The following CDH13 variants were observed in gnomAD, a reference collection of about 807,000 sequenced individuals.
CDH13 encodes the protein cadherin 13, also known as cadherin-13.
In CDH13, 24 loss-of-function variants were observed where a neutral mutation model predicts 63.8. The observed-to-expected ratio is 0.38, with a 90% confidence interval of 0.27 to 0.53. CDH13 has a LOEUF of 0.53. Ranked by LOEUF, CDH13 falls within the 20% of genes least tolerant of loss-of-function variation. The pLI is 0.85. For missense variants in CDH13, 1,049 were observed against 903.1 expected (o/e 1.16, Z -2.07); for synonymous variants, 503 against 355.3 (o/e 1.42, Z -4.67).
Position 83,288,597 on chromosome 16 carries a change from G to C in CDH13, c.637-56265G>C, listed in dbSNP as rs917643472. On this transcript the variant is annotated intron_variant, in intron 5 of 13. Transcript: ENST00000567109. ...AGCTGTCCAGGCAGGACCTCTCTGC[G>C]GTGACATTCACATGGCAGAGTTACC... Among the ~76,000 whole-genome samples the C allele has an allele frequency of 2.0e-5, 3 of 152,158 alleles. No homozygotes were observed. In the South Asian group the frequency reaches 6.2e-4, roughly 32 times the overall value.
At chr16:83,336,529 C>G (rs916014915) in intron 5 of CDH13, among the ~76,000 whole-genome samples, 1 of 152,140 alleles carries the variant, frequency 6.6e-6, no homozygotes, top group Non-Finnish European at 1.5e-5. Flanking sequence ...AACGGAGTCA[C>G]ATTGTGTTAG....
intron 2 of CDH13, among the ~76,000 whole-genome samples, chr16:82,897,616 C>G (rs1339777320): frequency 1.3e-5 from 2 of 152,222 alleles, no homozygotes; most frequent in Non-Finnish European, 1.5e-5. Flanking sequence ...AGCTCAACAA[C>G]TAATAAATGA....
intron 2 of CDH13, among the ~76,000 whole-genome samples, chr16:83,002,763 T>G (rs2151425130): frequency 6.6e-6 from 1 of 152,018 alleles, no homozygotes; most frequent in Admixed American, 6.5e-5. Context: ...GAATGTGCCG[T>G]GTAGGTATGT....
intron 1 of CDH13, among the ~76,000 whole-genome samples, chr16:82,667,628 A>C (rs1343067573): frequency 6.6e-6 from 1 of 152,102 alleles, no homozygotes; most frequent in Admixed American, 6.5e-5. Context: ...CCCCTATCTG[A>C]AGTTGGACAG....
intron 2 of CDH13, among the ~76,000 whole-genome samples, chr16:82,870,871 A>C (rs891560393): frequency 5.3e-5 from 8 of 152,244 alleles, no homozygotes; most frequent in African/African-American, 1.7e-4. Flanking sequence ...TAGCTGTCAG[A>C]AACAGCATAG....
At chr16:83,005,106 TCTAA>T (rs1234929395) in intron 2 of CDH13, among the ~76,000 whole-genome samples, 2 of 152,180 alleles carry the variant, frequency 1.3e-5, no homozygotes, top group Non-Finnish European at 2.9e-5. Flanking sequence ...AAGTGTAGTT[TCTAA>T]CTAAGTAGCC....
chr16:82,744,675 T>G (rs1179724273), intron 1 of CDH13, among the ~76,000 whole-genome samples: 1 of 152,132 alleles, frequency 6.6e-6, no homozygotes, highest in Non-Finnish European at 1.5e-5. Context: ...ACAGCTAAGC[T>G]GTGACTTTTG....
rs367641413 is a variant in CDH13 at position 82,963,277 on chromosome 16, G to GCT, written c.158-68732_158-68731dup. ...ACCTGTAATCCCAGCTACTAGGGAG[G>GCT]CTGAGGCAGAAGAATCGCTTGAACC... On this transcript the variant is annotated intron_variant, in intron 2 of 13. Coordinates refer to ENST00000567109, the MANE Select transcript of CDH13 (RefSeq NM_001257.5). 1.9e-3 allele frequency among the ~76,000 whole-genome samples: 294 copies of GCT among 152,292 alleles called. 2 individuals carry two copies. The highest frequency in any genetic ancestry group is 6.8e-3 in the African/African-American group (281 of 41,558).
intron 4 of CDH13, among the ~76,000 whole-genome samples, chr16:83,184,757 A>T (rs1307026156): frequency 2.6e-5 from 4 of 152,088 alleles, no homozygotes; most frequent in South Asian, 2.1e-4. Flanking sequence ...TCCATCTCAA[A>T]AAAGCAAAGA....
chr16:83,450,203 G>T (rs1319597214), intron 6 of CDH13, among the ~76,000 whole-genome samples: 1 of 152,238 alleles, frequency 6.6e-6, no homozygotes, highest in African/African-American at 2.4e-5. Flanking sequence ...GAGGTTGCAT[G>T]ATGCCCACAA....
intron 10 of CDH13, among the ~76,000 whole-genome samples, chr16:83,738,984 T>C (rs1431284092): frequency 6.6e-6 from 1 of 152,204 alleles, no homozygotes; most frequent in Admixed American, 6.5e-5. Flanking sequence ...TTATTCACCA[T>C]TTCCTTGTCC....
intron 1 of CDH13, among the ~76,000 whole-genome samples, chr16:82,842,165 C>CATATATATATATATATATAT (rs1567590719): frequency 7.6e-5 from 4 of 52,866 alleles, no homozygotes; most frequent in Admixed American, 4.7e-4. Flanking sequence ...TATATATATA[C>CATATATATATATATATATAT]ACACACACAC....
intron 6 of CDH13, among the ~76,000 whole-genome samples, chr16:83,466,474 G>A (rs2087374): frequency 0.46 from 69,342 of 151,850 alleles, 16,614 homozygotes; most frequent in East Asian, 0.82. Context: ...GATGACATAA[G>A]CACACAGCCT....
intron 1 of CDH13, among the ~76,000 whole-genome samples, chr16:82,819,730 A>G (rs1409739535): frequency 2.0e-5 from 3 of 152,348 alleles, no homozygotes; most frequent in South Asian, 2.1e-4. Flanking sequence ...TTCAAAATGT[A>G]TTGAATGCCT....
At chr16:83,575,531 T>C (rs1020790976) in intron 7 of CDH13, among the ~76,000 whole-genome samples, 2 of 152,162 alleles carry the variant, frequency 1.3e-5, no homozygotes, top group Admixed American at 1.3e-4. Context: ...TGTCCCTCTG[T>C]CTCGGCCCTC....
chr16:82,999,008 G>A (rs1430163783), intron 2 of CDH13, among the ~76,000 whole-genome samples: 4 of 151,802 alleles, frequency 2.6e-5, no homozygotes, highest in Non-Finnish European at 4.4e-5. Context: ...CTCCTCCCAA[G>A]AACATCCCTT....
intron 6 of CDH13, among the ~76,000 whole-genome samples, chr16:83,442,309 T>A (rs2072501935): frequency 6.6e-6 from 1 of 152,218 alleles, no homozygotes; most frequent in South Asian, 2.1e-4. Context: ...CAGGATTCTA[T>A]GTGAATCTAG....
chr16:82,713,825 A>G (rs534957630), intron 1 of CDH13, among the ~76,000 whole-genome samples: 2 of 151,008 alleles, frequency 1.3e-5, no homozygotes, highest in South Asian at 4.2e-4. Flanking sequence ...AACAAACAAA[A>G]AAAAAGGAAA....
chr16:83,115,477 C>G (rs983454948), intron 3 of CDH13, among the ~76,000 whole-genome samples: 22 of 152,192 alleles, frequency 1.4e-4, no homozygotes, highest in African/African-American at 4.1e-4. Context: ...AGAATATAAG[C>G]TTCAAACTCT....
Sources: allele counts gnomAD v4.1 joint callset (sites outside exome capture counted in the v4.1 genomes callset), GRCh38; gene constraint gnomAD v4.1.1; transcripts MANE v1.5; gene names NCBI Gene and HGNC (gene_info 2026-07-23, HGNC 2026-07-21).